STK33: variants seen among roughly 807,000 people sequenced by gnomAD.
STK33 encodes serine/threonine-protein kinase 33.
A neutral mutation model predicts 58.0 loss-of-function variants in STK33; 52 were observed. That is an observed-to-expected ratio of 0.90 (90% CI 0.72 to 1.13). The LOEUF is 1.13. Ranked by LOEUF, STK33 falls within the 50% of genes most tolerant of loss-of-function variation. The pLI is 0.00. For missense variants in STK33, 630 were observed against 604.2 expected (o/e 1.04, Z -0.45); for synonymous variants, 215 against 200.1 (o/e 1.07, Z -0.63).
chr11:8,458,547 A>T (rs958280274), intron 8 of STK33, among the ~76,000 whole-genome samples: 1 of 152,158 alleles, frequency 6.6e-6, no homozygotes, highest in African/African-American at 2.4e-5. Flanking sequence ...GAAAAGATTT[A>T]AAAATACCAA....
the STK33 span, among the ~76,000 whole-genome samples, chr11:8,334,871 A>G: frequency 6.6e-6 from 1 of 152,112 alleles, no homozygotes; most frequent in African/African-American, 2.4e-5. Flanking sequence ...ACACTCCTTC[A>G]ATGTGTAGGT....
rs530108416 is a variant in STK33, at chr11:8,453,993, A to G, written c.786+751T>C. Among the ~76,000 whole-genome samples, 4 of 152,324 alleles carry G rather than the reference A, an allele frequency of 2.6e-5. No homozygotes were observed. The South Asian group carries it at 8.3e-4, about 32-fold the overall frequency. ...ATCAAATGTTAAGTGAACACATACT[A>G]TGTTCCAGGCACTACTTCAGGTACT... is the stretch of plus-strand genomic sequence containing the variant. On this transcript the variant is annotated intron_variant, in intron 10 of 15. Coordinates refer to ENST00000687296, the MANE Select transcript of STK33 (RefSeq NM_001352389.2).
chr11:8,479,641 G>A (rs1177752780), intron 2 of STK33, among the ~76,000 whole-genome samples: 3 of 152,020 alleles, frequency 2.0e-5, no homozygotes, highest in East Asian at 1.9e-4. Context: ...TCAGGAGTTC[G>A]AGATCAGCCT....
chr11:8,457,859 A>G (rs548999418), intron 8 of STK33, among the ~76,000 whole-genome samples: 6 of 152,318 alleles, frequency 3.9e-5, no homozygotes, highest in African/African-American at 1.4e-4. Context: ...GGCAGAGCAC[A>G]TGGTATTTAC....
At chr11:8,344,714 G>C in the STK33 span, among the ~76,000 whole-genome samples, 1 of 152,214 alleles carries the variant, frequency 6.6e-6, no homozygotes, top group African/African-American at 2.4e-5. Flanking sequence ...TCTAGGGTGT[G>C]GAAAGTACTT....
intron 1 of STK33, among the ~76,000 whole-genome samples, chr11:8,592,265 C>T (rs1591953929): frequency 1.3e-5 from 2 of 152,090 alleles, no homozygotes; most frequent in East Asian, 3.8e-4. Flanking sequence ...GTGGTTCCTG[C>T]CTGGGCTGGG....
At position 8,463,824 on chromosome 11, in the gene STK33, C is replaced by T. The variant is rs1947854056; in HGVS notation, c.453+885G>A. Among the ~76,000 whole-genome samples, 8 of 152,252 alleles carry T rather than the reference C, an allele frequency of 5.3e-5. No individual in the cohort carries two copies. The South Asian group carries it at 1.7e-3, about 32-fold the overall frequency. On this transcript the variant is annotated intron_variant, in intron 7 of 15. Transcript: ENST00000687296. ...GTTATATAACCCAAAAACTGAACCC[C>T]TAACCCTAGCTAACACCAAAGGAGA...
intron 15 of STK33, among the ~76,000 whole-genome samples, chr11:8,409,334 G>C (rs551866808): frequency 5.3e-5 from 8 of 152,240 alleles, no homozygotes; most frequent in African/African-American, 1.9e-4. Context: ...CTCTTCTCAC[G>C]GCAGGTGACA....
At chr11:8,390,015 C>T (rs1305461640), downstream of STK33, among the ~76,000 whole-genome samples, 2 of 152,142 alleles carry the variant, frequency 1.3e-5, no homozygotes, top group Non-Finnish European at 2.9e-5. Flanking sequence ...CTCCGGCTTC[C>T]GGCTTTGGCA....
chr11:8,423,594 G>C (rs954648732), intron 14 of STK33, among the ~76,000 whole-genome samples: 1 of 152,090 alleles, frequency 6.6e-6, no homozygotes, highest in African/African-American at 2.4e-5. Context: ...AACATGATCT[G>C]TGTTAACTTT....
chr11:8,472,400 T>A (rs1481653565), intron 6 of STK33, among the ~76,000 whole-genome samples: 1 of 152,218 alleles, frequency 6.6e-6, no homozygotes, highest in Non-Finnish European at 1.5e-5. Flanking sequence ...CATGCAACTC[T>A]CCCTTTCACT....
chr11:8,575,491 G>C (rs1958115633), intron 1 of STK33, among the ~76,000 whole-genome samples: 1 of 152,256 alleles, frequency 6.6e-6, no homozygotes, highest in Non-Finnish European at 1.5e-5. Flanking sequence ...AAATAAGTCA[G>C]ACACAAAATG....
chr11:8,347,103 C>A, the STK33 span, among the ~76,000 whole-genome samples: 1 of 152,186 alleles, frequency 6.6e-6, no homozygotes, highest in Admixed American at 6.5e-5. Context: ...TGCATGAATA[C>A]TCAGTCTTTC....
At chr11:8,356,197 G>A in the STK33 span, among the ~76,000 whole-genome samples, 4 of 152,168 alleles carry the variant, frequency 2.6e-5, no homozygotes, top group East Asian at 1.9e-4. Flanking sequence ...GAATCTGCCC[G>A]TTAGTTACAG....
chr11:8,434,623 G>GCTA (rs10677811), intron 14 of STK33, among the ~76,000 whole-genome samples: 151,545 of 152,294 alleles, frequency 1, 75,401 homozygotes, highest in Non-Finnish European at 1. Flanking sequence ...AGCTCTGTGA[G>GCTA]CTATTATGGT....
chr11:8,374,566 C>A, the STK33 span, among the ~76,000 whole-genome samples: 1 of 152,128 alleles, frequency 6.6e-6, no homozygotes, highest in African/African-American at 2.4e-5. Flanking sequence ...TACTCGGGGT[C>A]TCCAGTGTCT....
At chr11:8,577,202 A>C (rs1958249601) in intron 1 of STK33, among the ~76,000 whole-genome samples, 1 of 152,206 alleles carries the variant, frequency 6.6e-6, no homozygotes, top group South Asian at 2.1e-4. Flanking sequence ...CTCAAACACA[A>C]TACAAATAAG....
intron 15 of STK33, among the ~76,000 whole-genome samples, chr11:8,410,470 C>CTTTTTTTTTT (rs11382344): frequency 5.5e-4 from 67 of 121,794 alleles, no homozygotes; most frequent in Non-Finnish European, 7.9e-4. Flanking sequence ...CTTTTCTTTT[C>CTTTTTTTTTT]TTTTTTTTTT....
At chr11:8,423,761 T>C (rs1291826280) in intron 14 of STK33, among the ~76,000 whole-genome samples, 1 of 152,056 alleles carries the variant, frequency 6.6e-6, no homozygotes, top group Non-Finnish European at 1.5e-5. Context: ...TATTTTTGTT[T>C]CTTTGTTTCA....
Sources: gnomAD v4.1 joint callset for allele counts (sites outside exome capture counted in the v4.1 genomes callset) on GRCh38, gnomAD v4.1.1 for gene constraint, MANE v1.5 for transcripts, NCBI Gene and HGNC (gene_info 2026-07-23, HGNC 2026-07-21) for gene names.